The following KAZN variants were observed in gnomAD, a reference collection of about 807,000 sequenced individuals.
The protein encoded by KAZN is kazrin, periplakin interacting protein.
A neutral mutation model predicts 87.4 loss-of-function variants in KAZN; 40 were observed. The observed-to-expected ratio is 0.46, with a 90% confidence interval of 0.36 to 0.60. The LOEUF (loss-of-function observed/expected upper bound fraction) is 0.60. KAZN is among the 20% of genes least tolerant of loss of function. The pLI is 0.00. For synonymous variants in KAZN, 466 were observed against 458.3 expected (o/e 1.02, Z -0.22); for missense variants, 898 against 1,073.9 (o/e 0.84, Z 2.29).
intron 1 of KAZN, among the ~76,000 whole-genome samples, chr1:14,601,031 T>C (rs948290898): frequency 2.6e-5 from 4 of 152,174 alleles, no homozygotes; most frequent in Admixed American, 2.0e-4. Flanking sequence ...CCTACACAAA[T>C]GCACAGGGCT....
chr1:14,467,449 A>G (rs1260683416), intron 2 of KAZN, among the ~76,000 whole-genome samples: 3 of 152,078 alleles, frequency 2.0e-5, no homozygotes, highest in African/African-American at 7.2e-5. Context: ...CAGAAAACAA[A>G]TAGCAAAATG....
At chr1:13,954,735 C>T (rs1469184295) in intron 1 of KAZN, among the ~76,000 whole-genome samples, 1 of 152,192 alleles carries the variant, frequency 6.6e-6, no homozygotes, top group African/African-American at 2.4e-5. Context: ...GCACTACCTC[C>T]ATGCAATTGC....
At chr1:14,686,920 C>T (rs886921538) in intron 1 of KAZN, among the ~76,000 whole-genome samples, 5 of 152,202 alleles carry the variant, frequency 3.3e-5, no homozygotes, top group African/African-American at 7.2e-5. Context: ...AAGCTATTAA[C>T]GCCCTGGGCT....
At chr1:14,394,757 T>C (rs758639441) in intron 2 of KAZN, among the ~76,000 whole-genome samples, 1 of 152,256 alleles carries the variant, frequency 6.6e-6, no homozygotes, top group Non-Finnish European at 1.5e-5. Flanking sequence ...ATTAGTGCTT[T>C]GCATATATTA....
intron 2 of KAZN, among the ~76,000 whole-genome samples, chr1:14,274,622 G>C (rs996497743): frequency 6.6e-6 from 1 of 152,138 alleles, no homozygotes; most frequent in Non-Finnish European, 1.5e-5. Context: ...TGTGGACAAG[G>C]CTCTGAAACA....
chr1:14,738,985 C>A (rs771904168), intron 1 of KAZN, among the ~76,000 whole-genome samples: 3 of 152,086 alleles, frequency 2.0e-5, no homozygotes, highest in Non-Finnish European at 4.4e-5. Context: ...CCAACCTGGG[C>A]AACCTAGTGA....
chr1:14,940,381 T>C (rs1660917040), intron 1 of KAZN, among the ~76,000 whole-genome samples: 1 of 152,216 alleles, frequency 6.6e-6, no homozygotes. Flanking sequence ...ATCCACCCAT[T>C]GGCCTGTGCC....
At chr1:14,175,569 C>A (rs1354582024) in intron 1 of KAZN, among the ~76,000 whole-genome samples, 1 of 152,116 alleles carries the variant, frequency 6.6e-6, no homozygotes, top group East Asian at 1.9e-4. Flanking sequence ...TTTTCTGGAA[C>A]AAGGATAGAA....
At chr1:14,802,839 A>G (rs574078762) in intron 1 of KAZN, among the ~76,000 whole-genome samples, 1 of 152,172 alleles carries the variant, frequency 6.6e-6, no homozygotes, top group East Asian at 1.9e-4. Flanking sequence ...TATTCTTATC[A>G]CTGTTGTCTT....
At chr1:14,706,318 C>G (rs1642205656) in intron 1 of KAZN, among the ~76,000 whole-genome samples, 1 of 152,014 alleles carries the variant, frequency 6.6e-6, no homozygotes, top group Non-Finnish European at 1.5e-5. Context: ...GAATCATCCC[C>G]AAACCATCCC....
At chr1:15,001,288 C>T (rs1375282777) in intron 2 of KAZN, among the ~76,000 whole-genome samples, 1 of 149,158 alleles carries the variant, frequency 6.7e-6, no homozygotes, top group Non-Finnish European at 1.5e-5. Flanking sequence ...AGGGCGAAAC[C>T]CCATCTCTAC....
At chr1:14,262,508 T>A (rs532322938) in intron 2 of KAZN, among the ~76,000 whole-genome samples, 1 of 152,362 alleles carries the variant, frequency 6.6e-6, no homozygotes, top group South Asian at 2.1e-4. Context: ...CTTACTTTGC[T>A]GACTAAATTC....
chr1:14,484,143 C>A (rs1206336266), intron 2 of KAZN, among the ~76,000 whole-genome samples: 2 of 152,104 alleles, frequency 1.3e-5, no homozygotes, highest in Admixed American at 6.6e-5. Flanking sequence ...TATGCCAGTA[C>A]GATGGTGTTT....
At chr1:14,997,197 TTTCTTTCATTTATTTA>T (rs1275227634) in intron 2 of KAZN, among the ~76,000 whole-genome samples, 5 of 129,512 alleles carry the variant, frequency 3.9e-5, no homozygotes, top group South Asian at 5.0e-4. Flanking sequence ...CTTTTCTTTC[TTTCTTTCATTTATTTA>T]TTTATTTATT....
intron 1 of KAZN, among the ~76,000 whole-genome samples, chr1:14,718,852 C>A (rs1319738736): frequency 6.6e-6 from 1 of 152,196 alleles, no homozygotes; most frequent in Non-Finnish European, 1.5e-5. Context: ...TAGGGGACAT[C>A]ATGAAAGCAA....
At chr1:14,986,503 G>T (rs1666836595) in intron 2 of KAZN, among the ~76,000 whole-genome samples, 1 of 152,186 alleles carries the variant, frequency 6.6e-6, no homozygotes, top group East Asian at 1.9e-4. Context: ...CTGACCTGCT[G>T]CTTTTCTTGG....
At chr1:14,102,828 G>A (rs1385920485) in intron 1 of KAZN, among the ~76,000 whole-genome samples, 2 of 152,048 alleles carry the variant, frequency 1.3e-5, no homozygotes, top group Non-Finnish European at 2.9e-5. Context: ...CAAGGTGTCA[G>A]CAGGGCTGGT....
chr1:14,142,383 AAATG>A (rs372642768), intron 1 of KAZN, among the ~76,000 whole-genome samples: 21 of 152,226 alleles, frequency 1.4e-4, no homozygotes, highest in African/African-American at 4.6e-4. Flanking sequence ...CAGCAAATGT[AAATG>A]AATGGAGAGG....
At chr1:14,156,839 G>A (rs1022599591) in intron 1 of KAZN, among the ~76,000 whole-genome samples, 2 of 150,074 alleles carry the variant, frequency 1.3e-5, no homozygotes, top group East Asian at 1.9e-4. Context: ...TACATTCCAT[G>A]CTATTATTGA....
Sources: gnomAD v4.1 joint callset for allele counts (sites outside exome capture counted in the v4.1 genomes callset) on GRCh38, gnomAD v4.1.1 for gene constraint, MANE v1.5 for transcripts, NCBI Gene and HGNC (gene_info 2026-07-23, HGNC 2026-07-21) for gene names.